The following NCAM2 variants were observed in gnomAD, a reference collection of about 807,000 sequenced individuals.
NCAM2 encodes N-CAM-2.
Under a neutral mutation model 98.1 loss-of-function variants are expected in NCAM2, and 30 were observed. The observed-to-expected ratio is 0.31, with a 90% CI of 0.23 to 0.41. The LOEUF (loss-of-function observed/expected upper bound fraction) is 0.41, where lower values mean the gene tolerates loss of function less well. Among genes scored for constraint, NCAM2 ranks in the 10% least tolerant of loss-of-function variants. NCAM2 has a pLI of 1.00. For missense variants in NCAM2, 867 were observed against 1,005.8 expected, an observed-to-expected ratio of 0.86 and a Z score of 1.87; for synonymous variants, 368 against 342.4, an observed-to-expected ratio of 1.07 and a Z score of -0.83.
intron 12 of NCAM2, 69 bp from the exon 13 acceptor site, chr21:21,466,537 T>G (rs1983700371): frequency 1.7e-6 from 2 of 1,171,208 alleles, no homozygotes; most frequent in African/African-American, 3.2e-5. Flanking sequence ...TTTTCCTTAT[T>G]AAAATGTGTC....
chr21:21,492,706 G>A (rs1986934415), intron 15 of NCAM2, among the ~76,000 whole-genome samples: 2 of 151,872 alleles, frequency 1.3e-5, no homozygotes, highest in African/African-American at 2.4e-5. Context: ...AGAATTCAAA[G>A]TAAATAGTTT....
chr21:21,037,381 G>A lies in NCAM2; in HGVS notation c.55+38763G>A, dbSNP rs548994795. 2.8e-4 allele frequency among the ~76,000 whole-genome samples: 42 copies of A among 152,184 alleles called. No homozygotes were observed. In the Middle Eastern group the frequency reaches 0.014, roughly 49 times the overall value. On this transcript the variant is annotated intron_variant, in intron 1 of 17. Transcript: ENST00000400546. ...ATAGTTTTCCATGTTTTCCTGTTAT[G>A]TTATATGTTGTTATTCTACTTAAAA... is the stretch of plus-strand genomic sequence containing the variant.
chr21:21,040,240 T>G lies in NCAM2; in HGVS notation c.55+41622T>G, dbSNP rs74747677. 8.2e-3 allele frequency among the ~76,000 whole-genome samples: 1,242 copies of G among 152,266 alleles called. 13 individuals carry two copies. Among genetic ancestry groups the G allele is most frequent in the African/African-American group, 0.027 (1,134 of 41,562 alleles). ...TGAAGATACTGATGCCTTTTTATTA[T>G]TAAAGACTCATGAAGCTTTGGCCGA... On this transcript the variant is annotated intron_variant, in intron 1 of 17. Coordinates refer to ENST00000400546, the MANE Select transcript of NCAM2 (RefSeq NM_004540.5).
chr21:21,332,313 A>G (rs2074737682), intron 6 of NCAM2, among the ~76,000 whole-genome samples: 1 of 152,148 alleles, frequency 6.6e-6, no homozygotes, highest in Non-Finnish European at 1.5e-5. Context: ...AGTGACTTGG[A>G]AAAAGTTTTA....
intron 16 of NCAM2, among the ~76,000 whole-genome samples, chr21:21,520,240 A>G (rs897830781): frequency 2.0e-5 from 3 of 152,152 alleles, no homozygotes; most frequent in Non-Finnish European, 2.9e-5. Flanking sequence ...CCTTTCTATC[A>G]GGAAACTTTT....
In NCAM2 at chr21:21,499,053, T is replaced by C. The variant is rs897265352; in HGVS notation, c.2078-9798T>C. 2.6e-5 allele frequency among the ~76,000 whole-genome samples: 4 copies of C among 152,022 alleles called. 1 individual carries two copies. The highest frequency in any genetic ancestry group is 2.0e-4 in the Admixed American group (3 of 15,266). ...ATGAAGAAAAATTTTATAGTGTCAA[T>C]TAGGAATATAGCAATGACCAAAACC... On this transcript the variant is annotated intron_variant, in intron 15 of 17. Transcript: ENST00000400546.
chr21:21,439,480 A>G (rs1323029459), intron 12 of NCAM2, among the ~76,000 whole-genome samples: 2 of 152,174 alleles, frequency 1.3e-5, no homozygotes, highest in Non-Finnish European at 2.9e-5. Flanking sequence ...TCTGGAGGAA[A>G]AAATATTTGT....
intron 1 of NCAM2, among the ~76,000 whole-genome samples, chr21:21,117,151 T>C (rs2066579698): frequency 1.3e-5 from 2 of 152,208 alleles, no homozygotes; most frequent in African/African-American, 4.8e-5. Context: ...TGCTATATAT[T>C]GGATCCCCAC....
chr21:21,107,777 A>ATCTG lies in NCAM2; in HGVS notation c.55+109161_55+109164dup, dbSNP rs959601443. ...TGCATTTGTTATTGACTTGATTCTT[A>ATCTG]TCTGTTTGACACTACCCAGTGGATA... is the stretch of plus-strand genomic sequence containing the variant. On this transcript the variant is annotated intron_variant, in intron 1 of 17. Coordinates refer to ENST00000400546, the MANE Select transcript of NCAM2 (RefSeq NM_004540.5). 5.5e-4 allele frequency among the ~76,000 whole-genome samples: 83 copies of ATCTG among 152,216 alleles called. 1 individual carries two copies. Among genetic ancestry groups the ATCTG allele is most frequent in the Middle Eastern group, 3.4e-3 (1 of 294 alleles).
intron 1 of NCAM2, among the ~76,000 whole-genome samples, chr21:21,057,299 C>T (rs1469140772): frequency 3.3e-5 from 5 of 152,128 alleles, no homozygotes; most frequent in African/African-American, 4.8e-5. Context: ...TACAAAGAAA[C>T]TATTGAGATG....
chr21:21,329,726 T>C (rs919505927), intron 6 of NCAM2, among the ~76,000 whole-genome samples: 3 of 152,148 alleles, frequency 2.0e-5, no homozygotes, highest in East Asian at 3.8e-4. Flanking sequence ...AATATAACTT[T>C]TATGTAATGT....
intron 9 of NCAM2, chr21:21,385,635 C>A: frequency 7.8e-7 from 1 of 1,287,790 alleles, no homozygotes; most frequent in South Asian, 1.2e-5. Context: ...TCTTCCAGTT[C>A]ATTTTCAACA....
intron 1 of NCAM2, among the ~76,000 whole-genome samples, chr21:21,028,408 G>T (rs1049655000): frequency 2.6e-5 from 4 of 152,126 alleles, no homozygotes; most frequent in Admixed American, 6.5e-5. Flanking sequence ...TCTTTAATGA[G>T]GCCTGACCAG....
At chr21:21,534,899 T>C (rs552232826) in intron 17 of NCAM2, among the ~76,000 whole-genome samples, 18 of 152,244 alleles carry the variant, frequency 1.2e-4, no homozygotes, top group African/African-American at 4.3e-4. Context: ...AATGCAAAAG[T>C]ATAAAAAGGT....
chr21:21,075,908 G>C (rs1024926193), intron 1 of NCAM2, among the ~76,000 whole-genome samples: 1 of 152,080 alleles, frequency 6.6e-6, no homozygotes, highest in Non-Finnish European at 1.5e-5. Flanking sequence ...CCTGAGGTCA[G>C]GAGTTCAAGA....
chr21:21,205,270 C>G (rs2069394041), intron 1 of NCAM2, among the ~76,000 whole-genome samples: 1 of 152,124 alleles, frequency 6.6e-6, no homozygotes, highest in South Asian at 2.1e-4. Context: ...TCTCATAAAA[C>G]TGTATTTAGT....
chr21:21,012,665 A>C (rs886084172), intron 1 of NCAM2, among the ~76,000 whole-genome samples: 1 of 152,040 alleles, frequency 6.6e-6, no homozygotes, highest in African/African-American at 2.4e-5. Flanking sequence ...GGCGCAGTTT[A>C]TTTTATTGTG....
intron 12 of NCAM2, among the ~76,000 whole-genome samples, chr21:21,448,805 C>T (rs1980586343): frequency 6.6e-6 from 1 of 152,056 alleles, no homozygotes; most frequent in Non-Finnish European, 1.5e-5. Flanking sequence ...AAGTAATCCA[C>T]ACTAATTCCA....
intron 11 of NCAM2, among the ~76,000 whole-genome samples, chr21:21,419,835 C>T (rs1199229443): frequency 6.6e-6 from 1 of 152,038 alleles, no homozygotes; most frequent in African/African-American, 2.4e-5. Flanking sequence ...GTGCATGTGT[C>T]TTTATAGCAG....
Sources: gnomAD v4.1 joint callset for allele counts (sites outside exome capture counted in the v4.1 genomes callset) on GRCh38, gnomAD v4.1.1 for gene constraint, MANE v1.5 for transcripts, NCBI Gene and HGNC (gene_info 2026-07-23, HGNC 2026-07-21) for gene names.